The following CTDSPL2 variants were observed in gnomAD, a reference collection of about 807,000 sequenced individuals.
CTDSPL2 encodes CTD small phosphatase-like protein 2.
A neutral mutation model predicts 60.0 loss-of-function variants in CTDSPL2; 5 were observed. That is an observed-to-expected ratio of 0.08 (90% CI 0.04 to 0.18). The LOEUF (loss-of-function observed/expected upper bound fraction) is 0.18, where lower values mean the gene tolerates loss of function less well. Ranked by LOEUF, CTDSPL2 falls within the 10% of genes least tolerant of loss-of-function variation. The pLI is 1.00. For missense variants in CTDSPL2, 370 were observed against 548.8 expected, an observed-to-expected ratio of 0.67 and a Z score of 3.26; for synonymous variants, 186 against 189.3, an observed-to-expected ratio of 0.98 and a Z score of 0.14.
intron 1 of CTDSPL2, among the ~76,000 whole-genome samples, chr15:44,454,667 C>T (rs1021266214): frequency 1.3e-5 from 2 of 152,228 alleles, no homozygotes; most frequent in Non-Finnish European, 2.9e-5. Context: ...TTCCCAGGAC[C>T]GTTTATTAAA....
At chr15:44,480,076 C>G (rs2080997853) in intron 2 of CTDSPL2, among the ~76,000 whole-genome samples, 1 of 152,150 alleles carries the variant, frequency 6.6e-6, no homozygotes, top group Non-Finnish European at 1.5e-5. Context: ...ATTCCACTCC[C>G]AATACTTCCT....
At chr15:44,430,963 A>T (rs1406370992) in intron 1 of CTDSPL2, among the ~76,000 whole-genome samples, 3 of 151,948 alleles carry the variant, frequency 2.0e-5, no homozygotes, top group African/African-American at 7.3e-5. Flanking sequence ...CTGGGACTAC[A>T]GGCACGCGCC....
chr15:44,523,290 C>T (rs912528308), intron 12 of CTDSPL2, among the ~76,000 whole-genome samples: 4 of 152,144 alleles, frequency 2.6e-5, no homozygotes, highest in African/African-American at 7.2e-5. Context: ...AGCCACTGCA[C>T]CCAGCAGTAA....
At chr15:44,444,710 C>G (rs1475243320) in intron 1 of CTDSPL2, among the ~76,000 whole-genome samples, 1 of 139,764 alleles carries the variant, frequency 7.2e-6, no homozygotes, top group African/African-American at 2.7e-5. Context: ...AGTTAATTTT[C>G]TATGTAGTAT....
intron 3 of CTDSPL2, among the ~76,000 whole-genome samples, chr15:44,485,292 A>G (rs552520242): frequency 7.2e-5 from 11 of 152,358 alleles, no homozygotes; most frequent in African/African-American, 2.6e-4. Context: ...AAACTCCTCA[A>G]AGTCAAAAAG....
intron 2 of CTDSPL2, among the ~76,000 whole-genome samples, chr15:44,482,675 T>C (rs2081049931): frequency 6.6e-6 from 1 of 152,232 alleles, no homozygotes; most frequent in African/African-American, 2.4e-5. Context: ...TTATTGTGGA[T>C]CACTGAGGCA....
At chr15:44,505,112 C>T (rs929261608) in intron 8 of CTDSPL2, among the ~76,000 whole-genome samples, 1 of 151,942 alleles carries the variant, frequency 6.6e-6, no homozygotes, top group Non-Finnish European at 1.5e-5. Context: ...TAAAATGTAT[C>T]TTTCAAAATT....
At chr15:44,451,292 A>G (rs1006234911) in intron 1 of CTDSPL2, among the ~76,000 whole-genome samples, 1 of 151,912 alleles carries the variant, frequency 6.6e-6, no homozygotes, top group African/African-American at 2.4e-5. Context: ...TTTTTTGTAG[A>G]GACTGGGGAG....
chr15:44,505,451 G>C (rs549287460), intron 8 of CTDSPL2, among the ~76,000 whole-genome samples: 2 of 151,492 alleles, frequency 1.3e-5, no homozygotes, highest in Admixed American at 1.3e-4. Flanking sequence ...AAAAACATAC[G>C]GGCCAGCCAT....
Position 44,525,111 on chromosome 15 carries a change from A to C in CTDSPL2, c.*937A>C, listed in dbSNP as rs1290759317. ...GTCACCTGTTTGGCTTGATTTAGTT[A>C]CTGCTGCCTTTGGTTTTCTCCAGGA... On this transcript the variant is annotated 3_prime_UTR_variant, in exon 13 of 13. Coordinates refer to ENST00000260327, the MANE Select transcript of CTDSPL2 (RefSeq NM_016396.3). The C allele has an allele frequency of 1.0e-5, 3 of 288,434 alleles. No homozygotes were observed. The highest frequency in any genetic ancestry group is 1.9e-5 in the Non-Finnish European group (3 of 156,648). 17.9% of individuals were successfully genotyped at this position (288,434 alleles called of 1,614,324 possible).
rs1343979199 is a variant in CTDSPL2 at position 44,525,035 on chromosome 15, A to T, written c.*861A>T. 5.3e-6 allele frequency: 1 copy of T among 187,932 alleles called. No individual in the cohort carries two copies. Among genetic ancestry groups the T allele is most frequent in the African/African-American group, 2.3e-5 (1 of 43,034 alleles). The allele number at this position is 187,932 out of a possible 1,614,324, so 11.6% of individuals were successfully genotyped here. A position where few individuals can be genotyped will look rare whatever the true frequency, so the allele number is the denominator to read the frequency against. On this transcript the variant is annotated 3_prime_UTR_variant, in exon 13 of 13. Transcript: ENST00000260327. ...AATGGCACACAGATTTAATGGATAA[A>T]GGTATACCTCAGACTTCACTGTGCT...
In CTDSPL2 at chr15:44,435,254, C is replaced by T. The variant is rs1364776905; in HGVS notation, c.-25+7482C>T. On this transcript the variant is annotated intron_variant, in intron 1 of 12. Coordinates refer to ENST00000260327, the MANE Select transcript of CTDSPL2 (RefSeq NM_016396.3). Reference sequence around the variant, plus strand: ...CCTGGGCGACAGAGTGAGACTCCGTCTCAAAAAAAAAAAAAAAAAAAAAGA... The same window carrying T: ...CCTGGGCGACAGAGTGAGACTCCGTTTCAAAAAAAAAAAAAAAAAAAAAGA... Among the ~76,000 whole-genome samples, 5 of 121,126 alleles carry T rather than the reference C, an allele frequency of 4.1e-5. No homozygotes were observed. In the Admixed American group the frequency reaches 4.6e-4, roughly 11 times the overall value. 79.5% of individuals were successfully genotyped at this position (121,126 alleles called of 152,430 possible).
intron 2 of CTDSPL2, among the ~76,000 whole-genome samples, chr15:44,467,657 T>C (rs2080723043): frequency 6.6e-6 from 1 of 152,162 alleles, no homozygotes; most frequent in East Asian, 1.9e-4. Context: ...CACCACAACC[T>C]CTGCCTCCTG....
intron 1 of CTDSPL2, among the ~76,000 whole-genome samples, chr15:44,431,699 T>G (rs887207361): frequency 6.8e-6 from 1 of 146,854 alleles, no homozygotes; most frequent in African/African-American, 2.6e-5. Flanking sequence ...GTTTTTTGTT[T>G]GTTTGTTTGT....
intron 2 of CTDSPL2, among the ~76,000 whole-genome samples, chr15:44,459,870 G>A (rs2140700083): frequency 6.6e-6 from 1 of 152,228 alleles, no homozygotes; most frequent in South Asian, 2.1e-4. Flanking sequence ...TTTGTATGAT[G>A]AAGATGTATT....
chr15:44,460,993 T>C (rs1361884170), intron 2 of CTDSPL2, among the ~76,000 whole-genome samples: 1 of 152,182 alleles, frequency 6.6e-6, no homozygotes, highest in Non-Finnish European at 1.5e-5. Context: ...CATGTTACTT[T>C]TTTGTAGTTT....
intron 6 of CTDSPL2, 99 bp downstream of exon 6, chr15:44,496,557 T>C: frequency 1.1e-6 from 1 of 897,908 alleles, no homozygotes; most frequent in Admixed American, 2.1e-5. Flanking sequence ...TGCCAAGATA[T>C]GTGACCTGTA....
intron 10 of CTDSPL2, among the ~76,000 whole-genome samples, chr15:44,517,074 G>A (rs1182024646): frequency 2.0e-5 from 3 of 151,358 alleles, no homozygotes; most frequent in Admixed American, 6.6e-5. Flanking sequence ...TCCTGACCTC[G>A]TGATCCGCCC....
At chr15:44,512,714 G>T (rs1049771974) in intron 8 of CTDSPL2, among the ~76,000 whole-genome samples, 7 of 152,202 alleles carry the variant, frequency 4.6e-5, no homozygotes, top group African/African-American at 1.4e-4. Flanking sequence ...CATCCTAAAC[G>T]ATGGTGATTG....
Sources: gnomAD v4.1 joint callset for allele counts (sites outside exome capture counted in the v4.1 genomes callset) on GRCh38, gnomAD v4.1.1 for gene constraint, MANE v1.5 for transcripts, NCBI Gene and HGNC (gene_info 2026-07-23, HGNC 2026-07-21) for gene names.